The following DNAH12 variants were observed in gnomAD, a reference collection of about 807,000 sequenced individuals.
The protein encoded by DNAH12 is axonemal beta dynein heavy chain 12.
Under a neutral mutation model 371.5 loss-of-function variants are expected in DNAH12, and 285 were observed. The ratio of observed to expected loss-of-function variants is 0.77; its 90% CI spans 0.70 to 0.85. The LOEUF (loss-of-function observed/expected upper bound fraction) is 0.85. Among genes scored for constraint, DNAH12 ranks in the 40% least tolerant of loss-of-function variants. The probability of loss-of-function intolerance (pLI) is 0.00; values close to 1 mark genes in which losing one functional copy is unlikely to be tolerated. For synonymous variants in DNAH12, 1,200 were observed against 1,213.0 expected (o/e 0.99, Z 0.22); for missense variants, 3,611 against 3,689.4 (o/e 0.98, Z 0.55).
At chr3:57,335,643 A>G (rs1553653440) in intron 60 of DNAH12, among the ~76,000 whole-genome samples, 1 of 152,214 alleles carries the variant, frequency 6.6e-6, no homozygotes, top group Non-Finnish European at 1.5e-5. Context: ...GTGTATCTAA[A>G]CGTAGAAAAG....
intron 18 of DNAH12, 101 bp downstream of exon 18, chr3:57,462,589 C>T (rs889266235): frequency 4.4e-5 from 59 of 1,356,084 alleles, no homozygotes; most frequent in Middle Eastern, 5.1e-4. Context: ...CATCACCTCC[C>T]GCGCTATCCA....
chr3:57,489,507 A>G lies in DNAH12; in HGVS notation c.1514+2T>C, dbSNP rs2067042616. On this transcript the variant is annotated splice_donor_variant, in intron 12 of 73. Coordinates refer to ENST00000495027, the MANE Select transcript of DNAH12 (RefSeq NM_001366028.2). LOFTEE classifies it high-confidence loss of function. Reference sequence around the variant, plus strand: ...CTGAGCTTGGGAATTAATTCTACTTACCATTCATTTTCTTTTCTATATTTT... The same window carrying G: ...CTGAGCTTGGGAATTAATTCTACTTGCCATTCATTTTCTTTTCTATATTTT... The G allele has an allele frequency of 1.0e-5, 15 of 1,505,966 alleles. No individual in the cohort carries two copies. The highest frequency in any genetic ancestry group is 1.3e-5 in the Non-Finnish European group (15 of 1,132,224). The allele number at this position is 1,505,966 out of a possible 1,614,324, so 93.3% of individuals were successfully genotyped here.
chr3:57,474,358 G>A (rs189871206), intron 13 of DNAH12, among the ~76,000 whole-genome samples: 15,827 of 152,084 alleles, frequency 0.1, 991 homozygotes, highest in South Asian at 0.15. Flanking sequence ...GTGCAATGGT[G>A]CAATTTCGGC....
chr3:57,488,559 C>CT (rs2067013581), intron 12 of DNAH12, among the ~76,000 whole-genome samples: 3 of 152,092 alleles, frequency 2.0e-5, no homozygotes, highest in Admixed American at 1.3e-4. Context: ...GTAGGTTGCC[C>CT]AGAGTTATGG....
intron 62 of DNAH12, among the ~76,000 whole-genome samples, chr3:57,329,134 G>A (rs998715576): frequency 6.8e-6 from 1 of 147,490 alleles, no homozygotes; most frequent in Non-Finnish European, 1.5e-5. Context: ...TGGCCATACT[G>A]CCCAAGGTAA....
chr3:57,356,122 T>C (rs1030095406), intron 59 of DNAH12, among the ~76,000 whole-genome samples: 1 of 152,118 alleles, frequency 6.6e-6, no homozygotes, highest in East Asian at 1.9e-4. Context: ...CATTAAGTGA[T>C]TAAAGTGCAA....
chr3:57,425,046 G>C lies in DNAH12; in HGVS notation c.5349C>G (p.Ser1783Arg), dbSNP rs1303696690. Residue 1783 changes from serine (S) to arginine (R), a missense_variant, in exon 35 of 74, where the codon AGC becomes AGG. Transcript: ENST00000495027. ...CCATAATCCAAACACGAATGTGCTTGCTAGTAGGATCATTTTCTACCACAT... is the reference window on the plus strand; with the variant it reads ...CCATAATCCAAACACGAATGTGCTTCCTAGTAGGATCATTTTCTACCACAT... ...LCNVVENDPT[S>R]KHIRVWIMAC... is the part of the protein sequence containing the mutation. The C allele has an allele frequency of 2.8e-6, 2 of 702,588 alleles. No homozygotes were observed. The highest frequency in any genetic ancestry group is 5.2e-6 in the Non-Finnish European group (2 of 384,880). 43.5% of individuals were successfully genotyped at this position (702,588 alleles called of 1,614,324 possible).
chr3:57,487,383 AAGAAAGAG>A, intron 12 of DNAH12, among the ~76,000 whole-genome samples: 2 of 136,980 alleles, frequency 1.5e-5, no homozygotes, highest in African/African-American at 2.7e-5. Context: ...GAAAAAAAAA[AAGAAAGAG>A]AAAGAAAGAA....
chr3:57,546,688 G>A (rs2069581105), upstream of DNAH12, among the ~76,000 whole-genome samples: 3 of 152,220 alleles, frequency 2.0e-5, no homozygotes, highest in South Asian at 6.2e-4. Flanking sequence ...CTAAAGAGAA[G>A]GCAGCAATCT....
chr3:57,310,645 G>C, intron 67 of DNAH12, 72 bp downstream of exon 67: 1 of 1,044,246 alleles, frequency 9.6e-7, no homozygotes, highest in Non-Finnish European at 1.4e-6. Context: ...ATACATTAGA[G>C]AAGAACATTT....
intron 11 of DNAH12, among the ~76,000 whole-genome samples, chr3:57,500,725 C>G (rs548768058): frequency 5.1e-4 from 77 of 152,258 alleles, no homozygotes; most frequent in Admixed American, 1.2e-3. Flanking sequence ...CCGTGTCAGG[C>G]TTCCAGGCCA....
At chr3:57,303,353 A>AG (rs951506227) in intron 69 of DNAH12, among the ~76,000 whole-genome samples, 1 of 151,000 alleles carries the variant, frequency 6.6e-6, no homozygotes, top group African/African-American at 2.4e-5. Context: ...AAAAAAAAAA[A>AG]AAAAAAGATA....
intron 2 of DNAH12, among the ~76,000 whole-genome samples, chr3:57,535,301 G>C (rs1390573616): frequency 2.6e-5 from 4 of 152,152 alleles, no homozygotes; most frequent in Non-Finnish European, 5.9e-5. Context: ...GGTTAATGAG[G>C]GCTGTGCCCT....
rs1407734397 is a variant in DNAH12 at position 57,301,722 on chromosome 3, ACACAC to A, written c.11394+8_11394+12del. On this transcript the variant is annotated splice_region_variant and intron_variant, in intron 70 of 73. Coordinates refer to ENST00000495027, the MANE Select transcript of DNAH12 (RefSeq NM_001366028.2). ...CACACACACACACACACACACACAC[ACACAC>A]ATTTTACCTGTAAAAAGTTCAACCG... 4.1e-6 allele frequency: 5 copies of A among 1,226,368 alleles called. No individual in the cohort carries two copies. Among genetic ancestry groups the A allele is most frequent in the Non-Finnish European group, 5.7e-6 (5 of 879,400 alleles). 76.0% of individuals were successfully genotyped at this position (1,226,368 alleles called of 1,614,324 possible).
In DNAH12 at chr3:57,525,344, T is replaced by C. The variant is rs112208160; in HGVS notation, c.171-1460A>G. Among the ~76,000 whole-genome samples the C allele has an allele frequency of 4.1e-3, 622 of 152,198 alleles. 6 individuals carry two copies. The highest frequency in any genetic ancestry group is 0.014 in the African/African-American group (584 of 41,542). ...GCATCTGGTGAATGAATGATCAGAATAGCATATTTGGAAATGATCTTGCAT... is the reference window on the plus strand; with the variant it reads ...GCATCTGGTGAATGAATGATCAGAACAGCATATTTGGAAATGATCTTGCAT... On this transcript the variant is annotated intron_variant, in intron 2 of 73. Coordinates refer to ENST00000495027, the MANE Select transcript of DNAH12 (RefSeq NM_001366028.2).
intron 73 of DNAH12, among the ~76,000 whole-genome samples, chr3:57,294,352 T>C (rs1046847964): frequency 6.6e-6 from 1 of 152,084 alleles, no homozygotes; most frequent in Non-Finnish European, 1.5e-5. Context: ...AATTTTTGTA[T>C]TTTTAGTAGA....
chr3:57,382,478 G>T (rs2063413193), intron 49 of DNAH12, 85 bp from the exon 50 acceptor site: 1 of 150,224 alleles, frequency 6.7e-6, no homozygotes, highest in African/African-American at 2.4e-5. Context: ...TAATGTTGGG[G>T]AATAATAAAA....
the DNAH12 span, among the ~76,000 whole-genome samples, chr3:57,555,316 A>C: frequency 2.0e-5 from 3 of 152,186 alleles, no homozygotes; most frequent in Non-Finnish European, 4.4e-5. Context: ...TCCTTATCTG[A>C]AATTGAATTT....
At chr3:57,526,027 T>C (rs559176025) in intron 2 of DNAH12, among the ~76,000 whole-genome samples, 2 of 152,212 alleles carry the variant, frequency 1.3e-5, no homozygotes, top group East Asian at 3.9e-4. Flanking sequence ...CCTCCCAAAG[T>C]GCTGGGATTA....
Sources: allele counts gnomAD v4.1 joint callset (sites outside exome capture counted in the v4.1 genomes callset), GRCh38; gene constraint gnomAD v4.1.1; transcripts MANE v1.5; gene names NCBI Gene and HGNC (gene_info 2026-07-23, HGNC 2026-07-21).